Variants in CMTR1 observed in about 807,000 individuals in gnomAD.
CMTR1 encodes the protein cap methyltransferase 1.
In CMTR1, 39 loss-of-function variants were observed where a neutral mutation model predicts 107.0. The ratio of observed to expected loss-of-function variants is 0.36; its 90% CI spans 0.28 to 0.48. The LOEUF (loss-of-function observed/expected upper bound fraction) is 0.48. Among genes scored for constraint, CMTR1 ranks in the 20% least tolerant of loss-of-function variants. The probability of loss-of-function intolerance (pLI) is 0.99; values close to 1 mark genes in which losing one functional copy is unlikely to be tolerated. For synonymous variants in CMTR1, 366 were observed against 379.5 expected, an observed-to-expected ratio of 0.96 and a Z score of 0.41; for missense variants, 672 against 1,064.9, an observed-to-expected ratio of 0.63 and a Z score of 5.14.
In CMTR1 at chr6:37,471,050, C is replaced by T. The variant is rs763918686; in HGVS notation, c.1535C>T (p.Ala512Val). The T allele has an allele frequency of 6.8e-6, 11 of 1,606,686 alleles. No individual in the cohort carries two copies. The highest frequency in any genetic ancestry group is 2.2e-5 in the East Asian group (1 of 44,674). Residue 512 changes from alanine to valine, a missense_variant, in exon 14 of 24, where the codon GCG (alanine) becomes GTG (valine). This residue lies in a region of CMTR1 where 583 missense variants were observed against 968.4 expected (regional missense o/e 0.60). Coordinates refer to ENST00000373451, the MANE Select transcript of CMTR1 (RefSeq NM_015050.3). ...SHCSLQIKAL[A>V]KIHAFVQDTT... Reference sequence around the variant, plus strand: ...TGTAGTCTGCAGATCAAAGCTCTGGCGAAAATCCATGCCTTTGTTCAAGAC... The same window carrying T: ...TGTAGTCTGCAGATCAAAGCTCTGGTGAAAATCCATGCCTTTGTTCAAGAC...
In CMTR1 at chr6:37,472,282, C is replaced by T; in HGVS notation, c.1621-137C>T. 1 of 759,082 alleles carries T rather than the reference C, an allele frequency of 1.3e-6. No individual in the cohort carries two copies. Among genetic ancestry groups the T allele is most frequent in the Non-Finnish European group, 2.3e-6 (1 of 431,698 alleles). 47.0% of individuals were successfully genotyped at this position (759,082 alleles called of 1,614,324 possible). A position where few individuals can be genotyped will look rare whatever the true frequency, so the allele number is the denominator to read the frequency against. On this transcript the variant is annotated intron_variant, in intron 15 of 23. Coordinates refer to ENST00000373451, the MANE Select transcript of CMTR1 (RefSeq NM_015050.3). The surrounding 1 kb of genome is among the most constrained non-coding windows in gnomAD (Gnocchi z 4.1). Reference sequence around the variant, plus strand: ...GTGAGTGAATTATCCACCTCCATCCCTGTCAGCCTAGCCTCCTTTGTTGTG... The same window carrying T: ...GTGAGTGAATTATCCACCTCCATCCTTGTCAGCCTAGCCTCCTTTGTTGTG...
chr6:37,480,785 T>A lies in CMTR1; in HGVS notation c.*640T>A. The A allele has an allele frequency of 9.1e-7, 1 of 1,094,128 alleles. No homozygotes were observed. Among genetic ancestry groups the A allele is most frequent in the South Asian group, 2.4e-5 (1 of 41,562 alleles). 67.8% of individuals were successfully genotyped at this position (1,094,128 alleles called of 1,614,324 possible). On this transcript the variant is annotated 3_prime_UTR_variant, in exon 24 of 24. Coordinates refer to ENST00000373451, the MANE Select transcript of CMTR1 (RefSeq NM_015050.3). ...TCCAGCAGGGTGGGAAGGAGGGAGT[T>A]TGGGCAAACTCTCATCCCTGATACC...
At chr6:37,424,244 T>C in the CMTR1 span, among the ~76,000 whole-genome samples, 1 of 89,176 alleles carries the variant, frequency 1.1e-5, no homozygotes, top group Admixed American at 1.2e-4. Flanking sequence ...TACCTTTTTC[T>C]TTCTTTTTTT....
intron 9 of CMTR1, 79 bp from the exon 10 acceptor site, chr6:37,459,487 A>C: frequency 8.2e-7 from 1 of 1,221,684 alleles, no homozygotes; most frequent in South Asian, 1.2e-5. Context: ...GCCCGTCTTC[A>C]CTGACCCAGA....
rs1761840519 is a variant in CMTR1 at position 37,480,896 on chromosome 6, T to C, written c.*751T>C. 2 of 1,200,548 alleles carry C rather than the reference T, an allele frequency of 1.7e-6. No homozygotes were observed. The highest frequency in any genetic ancestry group is 1.6e-5 in the African/African-American group (1 of 62,798). The allele number at this position is 1,200,548 out of a possible 1,614,324, so 74.4% of individuals were successfully genotyped here. On this transcript the variant is annotated 3_prime_UTR_variant, in exon 24 of 24. Coordinates refer to ENST00000373451, the MANE Select transcript of CMTR1 (RefSeq NM_015050.3). ...GTGCCATCCCCTTTTGGTCCAAACA[T>C]TGGGCAGCGCTAGATGGCAGGAAGC...
intron 13 of CMTR1, among the ~76,000 whole-genome samples, chr6:37,466,135 A>G (rs1761507577): frequency 7.1e-6 from 1 of 141,096 alleles, no homozygotes; most frequent in Non-Finnish European, 1.5e-5. Flanking sequence ...TTTTTTTGAA[A>G]CGGAGTCTTG....
At chr6:37,439,165 G>C (rs536520438) in intron 2 of CMTR1, among the ~76,000 whole-genome samples, 1 of 152,336 alleles carries the variant, frequency 6.6e-6, no homozygotes, top group Admixed American at 6.5e-5. Flanking sequence ...CCAGAGTAAA[G>C]AAGAAAAGGG....
rs368232854 is a variant in CMTR1 at position 37,459,703 on chromosome 6, A to G, written c.1095+19A>G. The G allele has an allele frequency of 7.5e-5, 113 of 1,502,354 alleles. No individual in the cohort carries two copies. In the African/African-American group the frequency reaches 1.1e-3, roughly 15 times the overall value. 93.1% of individuals were successfully genotyped at this position (1,502,354 alleles called of 1,614,324 possible). ...TGATGGGGTAGGTTACCTTTTTTCC[A>G]TAGACTGATGCATTAAGGATTTGTT... On this transcript the variant is annotated intron_variant, in intron 10 of 23. Transcript: ENST00000373451.
At chr6:37,450,982 ATCT>A (rs1426189208) in intron 5 of CMTR1, among the ~76,000 whole-genome samples, 4 of 152,192 alleles carry the variant, frequency 2.6e-5, no homozygotes, top group African/African-American at 9.7e-5. Flanking sequence ...AAAGAGGAAA[ATCT>A]GGCCTTCTGT....
intron 2 of CMTR1, among the ~76,000 whole-genome samples, chr6:37,439,675 A>C (rs936813738): frequency 1.7e-4 from 26 of 152,328 alleles, no homozygotes; most frequent in African/African-American, 5.3e-4. Flanking sequence ...TTATTTCACC[A>C]CAGTCGTTAA....
At chr6:37,463,372 C>G (rs1257729651) in intron 13 of CMTR1, among the ~76,000 whole-genome samples, 2 of 152,148 alleles carry the variant, frequency 1.3e-5, no homozygotes, top group Admixed American at 1.3e-4. Flanking sequence ...CTGGTGAAGT[C>G]CCTGTTTGGA....
the CMTR1 span, among the ~76,000 whole-genome samples, chr6:37,425,299 C>CTT: frequency 2.6e-4 from 36 of 139,748 alleles, no homozygotes; most frequent in East Asian, 4.3e-4. Flanking sequence ...TAAATTCTTT[C>CTT]TTTTTTTTTT....
In CMTR1 at chr6:37,464,927, TGTAC is replaced by T. The variant is rs71919770; in HGVS notation, c.1505+1920_1505+1923del. ...GTGTGTGTGTGTGTGTGTGTGTGTG[TGTAC>T]AGACAAACAATAAAACAATGTATAT... On this transcript the variant is annotated intron_variant, in intron 13 of 23. Coordinates refer to ENST00000373451, the MANE Select transcript of CMTR1 (RefSeq NM_015050.3). Among the ~76,000 whole-genome samples the T allele has an allele frequency of 1.6e-4, 23 of 147,356 alleles. No homozygotes were observed. The East Asian group carries it at 3.9e-3, about 25-fold the overall frequency.
intron 2 of CMTR1, among the ~76,000 whole-genome samples, chr6:37,436,730 C>G (rs983219510): frequency 3.9e-5 from 6 of 152,106 alleles, no homozygotes; most frequent in Admixed American, 2.6e-4. Flanking sequence ...CCACTGTAAT[C>G]TAGTATTACA....
chr6:37,462,305 C>G (rs747570860), intron 12 of CMTR1, among the ~76,000 whole-genome samples: 9 of 152,136 alleles, frequency 5.9e-5, no homozygotes, highest in Non-Finnish European at 1.0e-4. Context: ...TTCTTCCAAG[C>G]CTTATGCTCC....
In CMTR1 at chr6:37,435,714, T is replaced by C; in HGVS notation, c.85T>C (p.Ser29Pro). ...TGCAGAGCTTGCCCTGAGCCTCAGC[T>C]CCACGTCCGATGATGAACCTCCCTC... ...RVAELALSLS[S>P]TSDDEPPSSV... The change falls in exon 2 of 24, where the codon TCC (serine) becomes CCC (proline). Residue 29 changes from serine to proline, a missense_variant. By Grantham distance (74) the Ser-to-Pro change is moderately conservative (BLOSUM62 -1). Transcript: ENST00000373451. 3.1e-6 allele frequency: 5 copies of C among 1,602,964 alleles called. No individual in the cohort carries two copies. The highest frequency in any genetic ancestry group is 4.3e-6 in the Non-Finnish European group (5 of 1,175,834).
intron 2 of CMTR1, among the ~76,000 whole-genome samples, chr6:37,441,792 T>G (rs995039693): frequency 3.3e-5 from 5 of 152,216 alleles, no homozygotes; most frequent in African/African-American, 1.2e-4. Context: ...AAATATCAGT[T>G]CACCTCTCAG....
intron 2 of CMTR1, among the ~76,000 whole-genome samples, chr6:37,441,701 C>CGT (rs1771680893): frequency 1.3e-5 from 2 of 152,310 alleles, no homozygotes; most frequent in Admixed American, 1.3e-4. Context: ...TGTGAGCTAC[C>CGT]GTGCCTGGAC....
chr6:37,477,538 G>T (rs1243892408), intron 20 of CMTR1, 54 bp from the exon 21 acceptor site: 1 of 1,543,486 alleles, frequency 6.5e-7, no homozygotes, highest in African/African-American at 1.4e-5. Context: ...CTGCCTCCTG[G>T]ATGAGAATGT....
Sources: allele counts gnomAD v4.1 joint callset (sites outside exome capture counted in the v4.1 genomes callset), GRCh38; gene constraint gnomAD v4.1.1; regional missense constraint gnomAD v4.1.1; non-coding constraint Gnocchi (gnomAD v3.1); transcripts MANE v1.5; gene names NCBI Gene and HGNC (gene_info 2026-07-23, HGNC 2026-07-21).